The following ROBO1 variants were observed in gnomAD, a reference collection of about 807,000 sequenced individuals.
The protein encoded by ROBO1 is roundabout homolog 1.
A neutral mutation model predicts 195.9 loss-of-function variants in ROBO1; 149 were observed. The observed-to-expected ratio is 0.76, with a 90% CI of 0.67 to 0.87. The LOEUF (loss-of-function observed/expected upper bound fraction) is 0.87, where lower values mean the gene tolerates loss of function less well. ROBO1 is among the 40% of genes least tolerant of loss of function. The probability of loss-of-function intolerance (pLI) is 0.00; values close to 1 mark genes in which losing one functional copy is unlikely to be tolerated. For synonymous variants in ROBO1, 816 were observed against 733.2 expected (o/e 1.11, Z -1.82); for missense variants, 1,933 against 2,068.3 (o/e 0.93, Z 1.27).
intron 2 of ROBO1, among the ~76,000 whole-genome samples, chr3:79,571,195 A>C (rs901873500): frequency 2.0e-5 from 3 of 152,094 alleles, no homozygotes; most frequent in African/African-American, 7.2e-5. Flanking sequence ...AGAGGCAATA[A>C]CTTGTAAACG....
In ROBO1 at chr3:79,459,793, G is replaced by A. The variant is rs185056389; in HGVS notation, c.88+130031C>T. ...AAAGCAATAAAAAGCATTTTCACAA[G>A]GTATTATTATGAATAAAATAATAAA... On this transcript the variant is annotated intron_variant, in intron 2 of 30. Transcript: ENST00000464233. Among the ~76,000 whole-genome samples, 56 of 152,080 alleles carry A rather than the reference G, an allele frequency of 3.7e-4. 1 individual carries two copies. The highest frequency in any genetic ancestry group is 6.2e-4 in the Non-Finnish European group (42 of 67,926).
At chr3:78,776,217 A>G (rs1224476013) in intron 4 of ROBO1, among the ~76,000 whole-genome samples, 1 of 151,914 alleles carries the variant, frequency 6.6e-6, no homozygotes, top group Admixed American at 6.6e-5. Context: ...CAAATCCCCC[A>G]TCAGACACTT....
intron 3 of ROBO1, among the ~76,000 whole-genome samples, chr3:78,955,170 A>G (rs1362207674): frequency 1.4e-5 from 2 of 142,416 alleles, no homozygotes; most frequent in East Asian, 4.2e-4. Context: ...TCATGGGGTT[A>G]TATAGGTAAA....
intron 2 of ROBO1, among the ~76,000 whole-genome samples, chr3:79,513,836 A>G (rs981019404): frequency 3.3e-5 from 5 of 152,224 alleles, no homozygotes; most frequent in Non-Finnish European, 5.9e-5. Flanking sequence ...TAAAAGCAAA[A>G]TTCAATACTG....
chr3:79,340,864 G>T (rs541846971), intron 2 of ROBO1, among the ~76,000 whole-genome samples: 5 of 152,172 alleles, frequency 3.3e-5, no homozygotes, highest in Non-Finnish European at 7.3e-5. Flanking sequence ...GGTATTTCTG[G>T]ATTCAAAGTG....
At position 79,451,432 on chromosome 3, in the gene ROBO1, G is replaced by A. The variant is rs192312693; in HGVS notation, c.88+138392C>T. Among the ~76,000 whole-genome samples the A allele has an allele frequency of 3.0e-3, 459 of 152,224 alleles. 2 individuals are homozygous for A. The highest frequency in any genetic ancestry group is 9.6e-3 in the African/African-American group (401 of 41,568). ...AAATGGAAGAGCCTTACCCCCTGTA[G>A]GTGAAGTATAGGTTGACTAGGACTC... On this transcript the variant is annotated intron_variant, in intron 2 of 30. Transcript: ENST00000464233.
In ROBO1 at chr3:79,365,828, C is replaced by T. The variant is rs34836729; in HGVS notation, c.88+223996G>A. 2.7e-5 allele frequency among the ~76,000 whole-genome samples: 4 copies of T among 148,204 alleles called. No homozygotes were observed. The South Asian group carries it at 6.4e-4, about 24-fold the overall frequency. ...AGGAGAATGGCGTGAACCCAGGAGG[C>T]GGAGCTTGCAGTGAGCCGAGATCGC... On this transcript the variant is annotated intron_variant, in intron 2 of 30. Transcript: ENST00000464233.
At chr3:79,353,840 T>A (rs1038543662) in intron 2 of ROBO1, among the ~76,000 whole-genome samples, 6 of 150,280 alleles carry the variant, frequency 4.0e-5, no homozygotes, top group Non-Finnish European at 8.9e-5. Context: ...AGGCCAGGAG[T>A]TCAAGACCAG....
chr3:79,151,398 C>T (rs961898124), intron 2 of ROBO1, among the ~76,000 whole-genome samples: 7 of 151,722 alleles, frequency 4.6e-5, no homozygotes, highest in Non-Finnish European at 1.0e-4. Flanking sequence ...ATTTCAATCA[C>T]CAAGTATTCT....
At chr3:79,477,532 T>C (rs1446626524) in intron 2 of ROBO1, among the ~76,000 whole-genome samples, 5 of 152,072 alleles carry the variant, frequency 3.3e-5, no homozygotes, top group Non-Finnish European at 7.4e-5. Context: ...TTAAAAACAT[T>C]TTCCCTGAAG....
chr3:79,554,970 A>T (rs1471598352), intron 2 of ROBO1, among the ~76,000 whole-genome samples: 1 of 152,084 alleles, frequency 6.6e-6, no homozygotes, highest in African/African-American at 2.4e-5. Context: ...GAGAACAACT[A>T]AACTAGCAGG....
chr3:79,207,573 T>G (rs1420159891), intron 2 of ROBO1, among the ~76,000 whole-genome samples: 2 of 152,142 alleles, frequency 1.3e-5, no homozygotes, highest in African/African-American at 4.8e-5. Context: ...AGAGCTTGAT[T>G]TTTAGGTTGG....
intron 1 of ROBO1, among the ~76,000 whole-genome samples, chr3:79,745,112 T>C (rs528808529): frequency 3.3e-5 from 5 of 152,268 alleles, no homozygotes; most frequent in African/African-American, 1.2e-4. Flanking sequence ...AGAGTGTTTT[T>C]GCCTTAAGTA....
At chr3:79,512,694 G>C (rs1940768351) in intron 2 of ROBO1, 1 of 152,010 alleles carries the variant, frequency 6.6e-6, no homozygotes, top group Admixed American at 6.6e-5. Flanking sequence ...CAAAGAATTG[G>C]CATTGCACTG....
chr3:78,957,218 G>A (rs2041090183), intron 3 of ROBO1, among the ~76,000 whole-genome samples: 1 of 150,536 alleles, frequency 6.6e-6, no homozygotes, highest in South Asian at 2.1e-4. Context: ...TAACTCTTTT[G>A]CATTCATTTA....
chr3:78,950,383 C>A lies in ROBO1; in HGVS notation c.173-11456G>T, dbSNP rs569099579. Among the ~76,000 whole-genome samples, 147 of 151,424 alleles carry A rather than the reference C, an allele frequency of 9.7e-4. 1 individual carries two copies. The highest frequency in any genetic ancestry group is 3.0e-3 in the African/African-American group (125 of 41,238). On this transcript the variant is annotated intron_variant, in intron 3 of 30. Coordinates refer to ENST00000464233, the MANE Select transcript of ROBO1 (RefSeq NM_002941.4). ...GTAGGGACATGGATGAAACTGGAAA[C>A]CACCATTCTCCGCAAACTATAGCAA...
At chr3:79,544,252 T>G (rs1487254451) in intron 2 of ROBO1, among the ~76,000 whole-genome samples, 1 of 151,992 alleles carries the variant, frequency 6.6e-6, no homozygotes, top group Non-Finnish European at 1.5e-5. Context: ...TCTACATTAA[T>G]ATATATATTT....
intron 4 of ROBO1, among the ~76,000 whole-genome samples, chr3:78,827,197 G>T (rs1291578075): frequency 4.6e-5 from 7 of 152,024 alleles, no homozygotes; most frequent in Admixed American, 4.6e-4. Flanking sequence ...GAAATTGTGG[G>T]GAAATACTGC....
chr3:78,850,583 G>A (rs1215455777), intron 4 of ROBO1, among the ~76,000 whole-genome samples: 3 of 152,028 alleles, frequency 2.0e-5, no homozygotes, highest in Non-Finnish European at 4.4e-5. Context: ...AATATCTGTG[G>A]GTTTTAGGGA....
Sources: gnomAD v4.1 joint callset for allele counts (sites outside exome capture counted in the v4.1 genomes callset) on GRCh38, gnomAD v4.1.1 for gene constraint, MANE v1.5 for transcripts, NCBI Gene and HGNC (gene_info 2026-07-23, HGNC 2026-07-21) for gene names.